Variants in DIAPH1 observed in about 807,000 individuals in gnomAD.
DIAPH1 encodes the protein diaphanous related formin 1.
A neutral mutation model predicts 140.7 loss-of-function variants in DIAPH1; 46 were observed. The observed-to-expected ratio is 0.33, with a 90% CI of 0.26 to 0.42. The LOEUF is 0.42. Among genes scored for constraint, DIAPH1 ranks in the 10% least tolerant of loss-of-function variants. The pLI is 1.00. For synonymous variants in DIAPH1, 565 were observed against 551.6 expected (o/e 1.02, Z -0.34); for missense variants, 1,310 against 1,558.7 (o/e 0.84, Z 2.69).
At position 141,542,202 on chromosome 5, in the gene DIAPH1, G is replaced by T. The variant is rs529527832; in HGVS notation, c.2483-7769C>A. Reference sequence around the variant, plus strand: ...TAATCCCAGCAGTTTGGGAGGCCTTGGCAGGCGGATCATGAGATCAGGAGT... The same window carrying T: ...TAATCCCAGCAGTTTGGGAGGCCTTTGCAGGCGGATCATGAGATCAGGAGT... On this transcript the variant is annotated intron_variant, in intron 18 of 27. Transcript: ENST00000389054. 4.6e-5 allele frequency among the ~76,000 whole-genome samples: 7 copies of T among 152,326 alleles called. No individual in the cohort carries two copies. The South Asian group carries it at 1.5e-3, about 32-fold the overall frequency.
At chr5:141,590,421 CAGA>C (rs1285077163) in intron 1 of DIAPH1, among the ~76,000 whole-genome samples, 2 of 152,086 alleles carry the variant, frequency 1.3e-5, no homozygotes, top group Admixed American at 6.5e-5. Context: ...AGAAGCAAAG[CAGA>C]AGGATGATGA....
chr5:141,516,750 G>A lies in DIAPH1; in HGVS notation c.*101C>T. 1 of 1,356,928 alleles carries A rather than the reference G, an allele frequency of 7.4e-7. No homozygotes were observed. Among genetic ancestry groups the A allele is most frequent in the Non-Finnish European group, 1.0e-6 (1 of 962,414 alleles). 84.1% of individuals were successfully genotyped at this position (1,356,928 alleles called of 1,614,324 possible). A position where few individuals can be genotyped will look rare whatever the true frequency, so the allele number is the denominator to read the frequency against. On this transcript the variant is annotated 3_prime_UTR_variant, in exon 28 of 28. Transcript: ENST00000389054. ...AAGACAGGGTCAGGGTGGTGGGAGT[G>A]GCCACCCCAGAGGAATATCCCCTTG... is the stretch of plus-strand genomic sequence containing the variant.
At chr5:141,587,006 C>T in intron 3 of DIAPH1, 36 bp downstream of exon 3, 1 of 1,613,032 alleles carries the variant, frequency 6.2e-7, no homozygotes, top group Non-Finnish European at 8.5e-7. Flanking sequence ...CATAAATGCA[C>T]AGGAAGAAGC....
rs2099885717 is a variant in DIAPH1, at chr5:141,516,572, A to G, written c.*279T>C. 4.1e-6 allele frequency: 2 copies of G among 488,450 alleles called. No individual in the cohort carries two copies. The highest frequency in any genetic ancestry group is 3.9e-5 in the African/African-American group (2 of 51,298). 30.3% of individuals were successfully genotyped at this position (488,450 alleles called of 1,614,324 possible). A position where few individuals can be genotyped will look rare whatever the true frequency, so the allele number is the denominator to read the frequency against. ...GCCCTCTGAGTAACAGAGAGGAGAC[A>G]GGGTTAAGGCAGCAAACATGGACCC... On this transcript the variant is annotated 3_prime_UTR_variant, in exon 28 of 28. Transcript: ENST00000389054.
intron 17 of DIAPH1, 139 bp from the exon 18 acceptor site, chr5:141,571,575 T>C (rs2099895192): frequency 6.7e-6 from 5 of 748,286 alleles, no homozygotes; most frequent in Non-Finnish European, 1.1e-5. Flanking sequence ...TTTCCAACCC[T>C]TATTAATTAT....
intron 1 of DIAPH1, among the ~76,000 whole-genome samples, chr5:141,596,119 G>C (rs775814108): frequency 6.6e-6 from 1 of 152,176 alleles, no homozygotes; most frequent in Non-Finnish European, 1.5e-5. Context: ...TGCGAGGTCA[G>C]GAGATCGAGA....
At chr5:141,604,195 T>C (rs1406195055) in intron 1 of DIAPH1, among the ~76,000 whole-genome samples, 1 of 152,218 alleles carries the variant, frequency 6.6e-6, no homozygotes, top group Non-Finnish European at 1.5e-5. Context: ...CCAGCATGCA[T>C]AGTCTGTCAT....
chr5:141,524,148 CG>C lies in DIAPH1; in HGVS notation c.3655del (p.Arg1219ValfsTer15). 1 of 1,614,060 alleles carries C rather than the reference CG, an allele frequency of 6.2e-7. No homozygotes were observed. Among genetic ancestry groups the C allele is most frequent in the East Asian group, 2.2e-5 (1 of 44,860 alleles). The part of the protein sequence containing the change: ...GAAFRRKRGP[R>X]QANRKAGCAV... The stretch of plus-strand genomic sequence containing the variant: ...AGCTCCATGTGCTTACTTACCTTGA[CG>C]GGGCCCTCTCTTCCGTCGGAATGCT... On this transcript the variant is annotated frameshift_variant, in exon 27 of 28. Transcript: ENST00000389054. LOFTEE classifies it high-confidence loss of function.
chr5:141,597,044 C>G (rs962339131), intron 1 of DIAPH1, among the ~76,000 whole-genome samples: 6 of 152,016 alleles, frequency 3.9e-5, no homozygotes, highest in Non-Finnish European at 8.8e-5. Flanking sequence ...CCAAAAAGTA[C>G]AGCAAAAAGA....
chr5:141,518,689 T>C (rs183605416), intron 27 of DIAPH1: 1 of 509,164 alleles, frequency 2.0e-6, no homozygotes, highest in Non-Finnish European at 3.6e-6. Context: ...TATCTGGCTA[T>C]TTTTGTATTT....
chr5:141,592,081 CAA>C (rs1169137676), intron 1 of DIAPH1, among the ~76,000 whole-genome samples: 35 of 86,802 alleles, frequency 4.0e-4, no homozygotes, highest in Admixed American at 5.2e-4. Flanking sequence ...GACTCTGTAT[CAA>C]AAAAAAAAAA....
At chr5:141,568,958 G>C (rs1255634924) in intron 18 of DIAPH1, among the ~76,000 whole-genome samples, 2 of 151,470 alleles carry the variant, frequency 1.3e-5, no homozygotes, top group African/African-American at 2.4e-5. Context: ...AGTTTTGCTA[G>C]AGTTGAATAC....
chr5:141,612,539 G>T lies in DIAPH1; in HGVS notation c.117+6259C>A, dbSNP rs555567908. On this transcript the variant is annotated intron_variant, in intron 1 of 27. Transcript: ENST00000389054. ...CAATAAAAGAAGCCCCAGCAAAAGG[G>T]TTCATACTGTATGATTCCATTTATA... 2.0e-3 allele frequency among the ~76,000 whole-genome samples: 299 copies of T among 152,260 alleles called. 1 individual carries two copies. Among genetic ancestry groups the T allele is most frequent in the African/African-American group, 6.9e-3 (287 of 41,524 alleles).
rs1381881157 is a variant in DIAPH1 at position 141,516,017 on chromosome 5, G to T, written c.*834C>A. The T allele has an allele frequency of 6.6e-6, 1 of 152,314 alleles. No individual in the cohort carries two copies. Among genetic ancestry groups the T allele is most frequent in the Non-Finnish European group, 1.5e-5 (1 of 68,088 alleles). 9.4% of individuals were successfully genotyped at this position (152,314 alleles called of 1,614,324 possible). A position where few individuals can be genotyped will look rare whatever the true frequency, so the allele number is the denominator to read the frequency against. On this transcript the variant is annotated 3_prime_UTR_variant, in exon 28 of 28. Transcript: ENST00000389054. ...TTGTAGACAGAGGGTGAGGTGTTGG[G>T]ATGGTCACAGTACAACCCATAGTCC...
At chr5:141,596,822 T>G (rs1029412955) in intron 1 of DIAPH1, among the ~76,000 whole-genome samples, 3 of 152,186 alleles carry the variant, frequency 2.0e-5, no homozygotes, top group Non-Finnish European at 4.4e-5. Context: ...CCCAGGATTA[T>G]CAGACATCTG....
chr5:141,617,357 T>C (rs2099902848), intron 1 of DIAPH1, among the ~76,000 whole-genome samples: 1 of 152,150 alleles, frequency 6.6e-6, no homozygotes. Context: ...ATCTCAGATA[T>C]CACTGGAAAG....
At chr5:141,544,124 C>A (rs1221111393) in intron 18 of DIAPH1, among the ~76,000 whole-genome samples, 1 of 151,842 alleles carries the variant, frequency 6.6e-6, no homozygotes, top group Non-Finnish European at 1.5e-5. Context: ...TCCTGGCTAA[C>A]ACGGTGAAAC....
chr5:141,612,362 TCA>T (rs1195059884), intron 1 of DIAPH1, among the ~76,000 whole-genome samples: 3 of 152,206 alleles, frequency 2.0e-5, no homozygotes, highest in African/African-American at 7.2e-5. Context: ...ATGAGAATGT[TCA>T]CAGACAAAAA....
chr5:141,591,707 TATATA>T (rs2099898467), intron 1 of DIAPH1, among the ~76,000 whole-genome samples: 4 of 80,004 alleles, frequency 5.0e-5, no homozygotes, highest in East Asian at 5.6e-4. Flanking sequence ...TATATATATA[TATATA>T]TATATATATA....
Sources: gnomAD v4.1 joint callset for allele counts (sites outside exome capture counted in the v4.1 genomes callset) on GRCh38, gnomAD v4.1.1 for gene constraint, MANE v1.5 for transcripts, NCBI Gene and HGNC (gene_info 2026-07-23, HGNC 2026-07-21) for gene names.